The following TMEFF1 variants were observed in gnomAD, a reference collection of about 807,000 sequenced individuals.
TMEFF1 encodes the protein tomoregulin-1.
TMEFF1 carries 20 observed loss-of-function variants against 47.5 expected under a neutral mutation model. The ratio of observed to expected loss-of-function variants is 0.42; its 90% confidence interval spans 0.30 to 0.61. The LOEUF (loss-of-function observed/expected upper bound fraction) is 0.61. Among genes scored for constraint, TMEFF1 ranks in the 20% least tolerant of loss-of-function variants. The pLI, the probability that TMEFF1 is intolerant of heterozygous loss-of-function variation, is 0.19. For missense variants in TMEFF1, 411 were observed against 471.1 expected (o/e 0.87, Z 1.18); for synonymous variants, 162 against 166.3 (o/e 0.97, Z 0.20).
chr9:100,561,514 C>A lies in TMEFF1; in HGVS notation c.893C>A (p.Ser298Tyr), dbSNP rs140420545. The A allele has an allele frequency of 4.8e-5, 77 of 1,611,504 alleles. No homozygotes were observed. The highest frequency in any genetic ancestry group is 6.4e-5 in the Non-Finnish European group (76 of 1,179,080). Residue 298 changes from serine to tyrosine, a missense_variant, in exon 8 of 10, where the codon TCT becomes TAT. By Grantham distance (144) the Ser-to-Tyr change is moderately radical (BLOSUM62 -2). Coordinates refer to ENST00000374879, the MANE Select transcript of TMEFF1 (RefSeq NM_003692.5). The stretch of plus-strand genomic sequence containing the variant: ...TTCATCTATTCTACTCAGAAGGCTT[C>A]TTGTAGGTAAGTCAGCGCTTCCAGA... ...CEFIYSTQKA[S>Y]CRCESGYTGQ...
At chr9:100,527,193 C>G (rs557690762) in intron 5 of TMEFF1, among the ~76,000 whole-genome samples, 97 of 151,822 alleles carry the variant, frequency 6.4e-4, no homozygotes, top group Admixed American at 1.3e-3. Flanking sequence ...TGGATGTGTT[C>G]ATGAATTGTC....
intron 1 of TMEFF1, among the ~76,000 whole-genome samples, chr9:100,475,418 T>A (rs1001541181): frequency 5.9e-5 from 9 of 152,228 alleles, no homozygotes; most frequent in African/African-American, 2.2e-4. Context: ...GGGTAATGCT[T>A]TATTACATAA....
At chr9:100,546,919 A>G (rs1403821999) in intron 5 of TMEFF1, among the ~76,000 whole-genome samples, 1 of 152,218 alleles carries the variant, frequency 6.6e-6, no homozygotes, top group Non-Finnish European at 1.5e-5. Flanking sequence ...ACTCAGTTAC[A>G]CAGATAGACA....
chr9:100,524,233 T>C (rs1049657965), intron 5 of TMEFF1, among the ~76,000 whole-genome samples: 1 of 152,214 alleles, frequency 6.6e-6, no homozygotes, highest in Non-Finnish European at 1.5e-5. Context: ...GTATACTGTA[T>C]ACAAAAGTGT....
chr9:100,487,623 C>T (rs1013328908), intron 1 of TMEFF1, among the ~76,000 whole-genome samples: 10 of 152,062 alleles, frequency 6.6e-5, no homozygotes, highest in Non-Finnish European at 4.4e-5. Context: ...CAAAATTTGT[C>T]GGGGTTTCTG....
At chr9:100,537,471 G>A in intron 5 of TMEFF1, among the ~76,000 whole-genome samples, 1 of 152,202 alleles carries the variant, frequency 6.6e-6, no homozygotes. Flanking sequence ...AAATTAATTA[G>A]GATGCATGTT....
intron 1 of TMEFF1, among the ~76,000 whole-genome samples, chr9:100,475,673 G>T (rs759079204): frequency 1.5e-4 from 22 of 151,262 alleles, no homozygotes; most frequent in Non-Finnish European, 4.4e-5. Flanking sequence ...AGAAATAGAG[G>T]GATGGATACC....
chr9:100,515,859 C>T (rs1160473163), intron 4 of TMEFF1, among the ~76,000 whole-genome samples: 3 of 151,906 alleles, frequency 2.0e-5, no homozygotes, highest in Non-Finnish European at 4.4e-5. Flanking sequence ...AAACCAAATT[C>T]GAGGGAAATC....
At chr9:100,503,573 C>T (rs1837805849) in intron 2 of TMEFF1, among the ~76,000 whole-genome samples, 1 of 145,968 alleles carries the variant, frequency 6.9e-6, no homozygotes. Context: ...CACACACACA[C>T]ACACGAATGT....
chr9:100,532,169 A>G (rs968858174), intron 5 of TMEFF1, among the ~76,000 whole-genome samples: 2 of 151,994 alleles, frequency 1.3e-5, no homozygotes, highest in African/African-American at 2.4e-5. Context: ...ACCATTCAGG[A>G]CATAGGCATG....
At chr9:100,500,464 A>G (rs1837737979) in intron 2 of TMEFF1, among the ~76,000 whole-genome samples, 1 of 151,852 alleles carries the variant, frequency 6.6e-6, no homozygotes, top group Non-Finnish European at 1.5e-5. Flanking sequence ...TGTTCTTTAC[A>G]TTAGATAATT....
intron 6 of TMEFF1, 119 bp downstream of exon 6, chr9:100,548,011 T>C: frequency 8.7e-7 from 1 of 1,154,196 alleles, no homozygotes; most frequent in South Asian, 3.6e-5. Context: ...GCTTTATTTT[T>C]TTATTACTTT....
chr9:100,536,514 C>T (rs1215266366), intron 5 of TMEFF1, among the ~76,000 whole-genome samples: 1 of 152,144 alleles, frequency 6.6e-6, no homozygotes, highest in African/African-American at 2.4e-5. Context: ...AGTTTTTGTA[C>T]ATTTGTTTAA....
At chr9:100,556,836 G>A (rs1838924226) in intron 7 of TMEFF1, among the ~76,000 whole-genome samples, 1 of 151,982 alleles carries the variant, frequency 6.6e-6, no homozygotes, top group South Asian at 2.1e-4. Context: ...CACAAGTTTG[G>A]ATTATGTACT....
chr9:100,558,989 C>T (rs569148490), intron 7 of TMEFF1, among the ~76,000 whole-genome samples: 1 of 152,270 alleles, frequency 6.6e-6, no homozygotes, highest in Non-Finnish European at 1.5e-5. Flanking sequence ...TTGGGTCACA[C>T]AGCTAGAGAG....
intron 5 of TMEFF1, among the ~76,000 whole-genome samples, chr9:100,521,645 T>C (rs1015678009): frequency 6.6e-6 from 1 of 152,200 alleles, no homozygotes; most frequent in Non-Finnish European, 1.5e-5. Flanking sequence ...TGGGGACACA[T>C]AATCATAGGA....
At chr9:100,565,328 A>T (rs1839105093) in intron 8 of TMEFF1, among the ~76,000 whole-genome samples, 2 of 151,968 alleles carry the variant, frequency 1.3e-5, no homozygotes, top group Admixed American at 6.6e-5. Context: ...ATGGCCAGTC[A>T]TTGTAGTTCC....
Position 100,492,260 on chromosome 9 carries a change from A to G in TMEFF1, c.197-6505A>G, listed in dbSNP as rs1587818474. On this transcript the variant is annotated intron_variant, in intron 1 of 9. Transcript: ENST00000374879. ...TTTTAATCCCTTTAAAAAGGAAGCT[A>G]AAGACTTGTGGATGCAGAATTCTAA... Among the ~76,000 whole-genome samples, 4 of 152,214 alleles carry G rather than the reference A, an allele frequency of 2.6e-5. No individual in the cohort carries two copies. The East Asian group carries it at 7.7e-4, about 29-fold the overall frequency.
chr9:100,534,909 G>A (rs982490826), intron 5 of TMEFF1, among the ~76,000 whole-genome samples: 2 of 152,066 alleles, frequency 1.3e-5, no homozygotes, highest in African/African-American at 4.8e-5. Flanking sequence ...TCCCAGTTTT[G>A]CCCACTTTTA....
Sources: allele counts gnomAD v4.1 joint callset (sites outside exome capture counted in the v4.1 genomes callset), GRCh38; gene constraint gnomAD v4.1.1; transcripts MANE v1.5; gene names NCBI Gene and HGNC (gene_info 2026-07-23, HGNC 2026-07-21).